Variants in GREB1L observed in about 807,000 individuals in gnomAD.
The protein encoded by GREB1L is GREB1-like protein.
Under a neutral mutation model 200.8 loss-of-function variants are expected in GREB1L, and 17 were observed. The ratio of observed to expected loss-of-function variants is 0.08; its 90% CI spans 0.06 to 0.13. GREB1L has a LOEUF of 0.13. Ranked by LOEUF, GREB1L falls within the 10% of genes least tolerant of loss-of-function variation. The pLI is 1.00. For synonymous variants in GREB1L, 789 were observed against 893.0 expected (o/e 0.88, Z 2.08); for missense variants, 1,657 against 2,367.7 (o/e 0.70, Z 6.23).
intron 5 of GREB1L, among the ~76,000 whole-genome samples, chr18:21,400,641 G>A (rs1266887104): frequency 2.0e-5 from 3 of 152,068 alleles, no homozygotes; most frequent in Non-Finnish European, 2.9e-5. Context: ...CTGACTTTTT[G>A]TATTTATTTC....
intron 4 of GREB1L, among the ~76,000 whole-genome samples, chr18:21,391,944 G>A (rs924278735): frequency 2.6e-5 from 4 of 152,070 alleles, no homozygotes; most frequent in South Asian, 2.1e-4. Flanking sequence ...CGAGTGCCTG[G>A]GACTACAGGT....
At chr18:21,484,159 T>C (rs2036030908) in intron 17 of GREB1L, among the ~76,000 whole-genome samples, 1 of 150,576 alleles carries the variant, frequency 6.6e-6, no homozygotes, top group African/African-American at 2.4e-5. Context: ...TCTTAATACA[T>C]ACATACATAT....
At chr18:21,451,934 A>G (rs2034545665) in intron 13 of GREB1L, 149 bp from the exon 14 acceptor site, 4 of 660,652 alleles carry the variant, frequency 6.1e-6, no homozygotes, top group South Asian at 3.9e-5. Context: ...CCAGTATACT[A>G]TAAAGATGGC....
chr18:21,376,729 C>T (rs1285718687), intron 2 of GREB1L, among the ~76,000 whole-genome samples: 3 of 141,524 alleles, frequency 2.1e-5, no homozygotes, highest in Admixed American at 7.4e-5. Context: ...GGTGTGAATC[C>T]GGGAGGCGTA....
chr18:21,516,901 A>AGTCT, intron 30 of GREB1L, 147 bp downstream of exon 30: 1 of 689,404 alleles, frequency 1.5e-6, no homozygotes, highest in Non-Finnish European at 2.3e-6. Flanking sequence ...TTTTTGAGAC[A>AGTCT]GTCTGTCCCC....
At chr18:21,245,626 TG>T (rs1436765199) in intron 1 of GREB1L, among the ~76,000 whole-genome samples, 1 of 152,236 alleles carries the variant, frequency 6.6e-6, no homozygotes, top group Non-Finnish European at 1.5e-5. Context: ...GTTTATGCAA[TG>T]GATGTTCATT....
At position 21,244,349 on chromosome 18, in the gene GREB1L, T is replaced by C. The variant is rs755597998; in HGVS notation, c.-120+1956T>C. 3.1e-4 allele frequency among the ~76,000 whole-genome samples: 47 copies of C among 152,174 alleles called. 1 individual carries two copies. The highest frequency in any genetic ancestry group is 7.3e-5 in the Non-Finnish European group (5 of 68,032). On this transcript the variant is annotated intron_variant, in intron 1 of 32. Coordinates refer to ENST00000424526, the MANE Select transcript of GREB1L (RefSeq NM_001142966.3). ...AAACACTGAAAGGGCGTGTGTATAC[T>C]CCCATTGACATGACATAATATAAAG...
At chr18:21,449,445 A>G (rs1483415198) in intron 11 of GREB1L, 65 bp from the exon 12 acceptor site, 3 of 943,278 alleles carry the variant, frequency 3.2e-6, no homozygotes, top group Non-Finnish European at 4.7e-6. Context: ...AGGAAAGCAT[A>G]TGGGTGTGTG....
intron 27 of GREB1L, among the ~76,000 whole-genome samples, chr18:21,513,072 A>G (rs2037297708): frequency 6.6e-6 from 1 of 152,236 alleles, no homozygotes; most frequent in African/African-American, 2.4e-5. Flanking sequence ...CCTGAGCATC[A>G]TACAGCAACC....
At chr18:21,416,542 A>C (rs1265860815) in intron 7 of GREB1L, among the ~76,000 whole-genome samples, 1 of 152,016 alleles carries the variant, frequency 6.6e-6, no homozygotes, top group African/African-American at 2.4e-5. Context: ...TATACAAAAA[A>C]TTAGCCGGGC....
At chr18:21,514,315 T>C (rs182352818) in intron 28 of GREB1L, among the ~76,000 whole-genome samples, 1 of 152,254 alleles carries the variant, frequency 6.6e-6, no homozygotes, top group Non-Finnish European at 1.5e-5. Context: ...CCAGGAGTTC[T>C]AGACCAGCCT....
intron 2 of GREB1L, among the ~76,000 whole-genome samples, chr18:21,370,562 A>G (rs2039834289): frequency 6.6e-6 from 1 of 152,218 alleles, no homozygotes; most frequent in Non-Finnish European, 1.5e-5. Flanking sequence ...TTGTTATACA[A>G]AGAGTTTTAT....
chr18:21,375,874 CCACCACCACCACCAT>C (rs1367942647), intron 2 of GREB1L, among the ~76,000 whole-genome samples: 4 of 151,956 alleles, frequency 2.6e-5, no homozygotes, highest in African/African-American at 4.8e-5. Context: ...ACAATAACTA[CCACCACCACCACCAT>C]CACCACCACC....
intron 1 of GREB1L, among the ~76,000 whole-genome samples, chr18:21,284,531 T>C (rs2038322646): frequency 6.6e-6 from 1 of 152,204 alleles, no homozygotes; most frequent in South Asian, 2.1e-4. Flanking sequence ...TGCTACTCCA[T>C]TGCATGATTA....
chr18:21,377,397 T>C (rs540257097), intron 2 of GREB1L, among the ~76,000 whole-genome samples: 12 of 152,344 alleles, frequency 7.9e-5, no homozygotes, highest in Admixed American at 6.5e-4. Context: ...TTAACCTGTA[T>C]GTTTTCATTT....
chr18:21,285,460 G>A (rs1803555656), intron 1 of GREB1L, among the ~76,000 whole-genome samples: 1 of 152,138 alleles, frequency 6.6e-6, no homozygotes, highest in Non-Finnish European at 1.5e-5. Context: ...GAATTTTTGA[G>A]AATACAATAA....
intron 5 of GREB1L, among the ~76,000 whole-genome samples, chr18:21,399,113 A>C (rs1445122889): frequency 6.6e-6 from 1 of 152,206 alleles, no homozygotes. Flanking sequence ...AGAGGAAAAG[A>C]TCAAACTCAA....
chr18:21,309,637 T>A (rs1249258675), intron 1 of GREB1L, among the ~76,000 whole-genome samples: 1 of 152,080 alleles, frequency 6.6e-6, no homozygotes, highest in Non-Finnish European at 1.5e-5. Flanking sequence ...ATAATCAGCC[T>A]TTTACCCTCT....
chr18:21,364,817 A>G (rs528316043), intron 1 of GREB1L, among the ~76,000 whole-genome samples: 51 of 151,488 alleles, frequency 3.4e-4, no homozygotes, highest in African/African-American at 1.2e-3. Flanking sequence ...CTCTGAAGCT[A>G]TTGGAATTAG....
Sources: gnomAD v4.1 joint callset for allele counts (sites outside exome capture counted in the v4.1 genomes callset) on GRCh38, gnomAD v4.1.1 for gene constraint, MANE v1.5 for transcripts, NCBI Gene and HGNC (gene_info 2026-07-23, HGNC 2026-07-21) for gene names.